ANO10: variants seen among roughly 807,000 people sequenced by gnomAD.
ANO10 encodes anoctamin 10, also known as anoctamin-10.
A neutral mutation model predicts 74.7 loss-of-function variants in ANO10; 77 were observed. The observed-to-expected ratio is 1.03, with a 90% CI of 0.86 to 1.25. ANO10 has a LOEUF of 1.25. Ranked by LOEUF, ANO10 falls within the 50% of genes most tolerant of loss-of-function variation. The probability of loss-of-function intolerance (pLI) is 0.00; values close to 1 mark genes in which losing one functional copy is unlikely to be tolerated. For missense variants in ANO10, 721 were observed against 778.1 expected (o/e 0.93, Z 0.87); for synonymous variants, 279 against 284.9 (o/e 0.98, Z 0.21).
chr3:43,678,521 T>C (rs1575590334), intron 1 of ANO10, among the ~76,000 whole-genome samples: 1 of 152,188 alleles, frequency 6.6e-6, no homozygotes, highest in Non-Finnish European at 1.5e-5. Flanking sequence ...ACCCATCCTG[T>C]CCTGTTCCAT....
chr3:43,521,190 CTGGTAAG>C (rs1261221656), intron 11 of ANO10, among the ~76,000 whole-genome samples: 1 of 152,156 alleles, frequency 6.6e-6, no homozygotes, highest in Non-Finnish European at 1.5e-5. Flanking sequence ...CTAAATAAAA[CTGGTAAG>C]TGGTAAGGGG....
intron 1 of ANO10, among the ~76,000 whole-genome samples, chr3:43,660,864 G>C (rs2083917932): frequency 1.3e-5 from 2 of 152,176 alleles, no homozygotes; most frequent in Non-Finnish European, 1.5e-5. Context: ...CAAGGCAGGA[G>C]AATCACTTGA....
At position 43,586,048 on chromosome 3, in the gene ANO10, C is replaced by A. The variant is rs562646804; in HGVS notation, c.473-5576G>T. On this transcript the variant is annotated intron_variant, in intron 4 of 12. Coordinates refer to ENST00000292246, the MANE Select transcript of ANO10 (RefSeq NM_018075.5). Reference sequence around the variant, plus strand: ...ATCAGCCCTGGGTAAACTAAGAGCACCCATGCTTCTGCAAACCTGGGCCAA... The same window carrying A: ...ATCAGCCCTGGGTAAACTAAGAGCAACCATGCTTCTGCAAACCTGGGCCAA... Among the ~76,000 whole-genome samples, 62 of 152,254 alleles carry A rather than the reference C, an allele frequency of 4.1e-4. 1 individual carries two copies. Among genetic ancestry groups the A allele is most frequent in the African/African-American group, 1.4e-3 (57 of 41,546 alleles).
intron 11 of ANO10, among the ~76,000 whole-genome samples, chr3:43,434,858 C>T (rs1317303809): frequency 6.6e-6 from 1 of 152,148 alleles, no homozygotes; most frequent in Non-Finnish European, 1.5e-5. Context: ...ATTGATTAGA[C>T]AATATTAATC....
intron 11 of ANO10, among the ~76,000 whole-genome samples, chr3:43,476,770 A>C (rs1402161805): frequency 6.6e-6 from 1 of 152,222 alleles, no homozygotes; most frequent in African/African-American, 2.4e-5. Flanking sequence ...AAATAATGAG[A>C]TAGCCTAAGA....
At position 43,438,293 on chromosome 3, in the gene ANO10, A is replaced by T. The variant is rs537647877; in HGVS notation, c.1798-5566T>A. Among the ~76,000 whole-genome samples the T allele has an allele frequency of 2.0e-5, 3 of 152,018 alleles. No individual in the cohort carries two copies. In the South Asian group the frequency reaches 6.2e-4, roughly 31 times the overall value. ...CAAAAATAAAAATAAAAAATAAAAA[A>T]CTTAGCTGGGTGTGGTGCCACATGC... On this transcript the variant is annotated intron_variant, in intron 11 of 12. Transcript: ENST00000292246.
intron 3 of ANO10, among the ~76,000 whole-genome samples, chr3:43,599,885 G>A (rs1381345097): frequency 5.3e-5 from 8 of 150,270 alleles, no homozygotes; most frequent in South Asian, 2.1e-4. Context: ...CAGCCTGGGC[G>A]ACAGAGCGAG....
chr3:43,581,582 C>A (rs2081261862), intron 4 of ANO10, among the ~76,000 whole-genome samples: 1 of 152,164 alleles, frequency 6.6e-6, no homozygotes, highest in Admixed American at 6.5e-5. Context: ...ATATTTTCCA[C>A]ATGAGTTCCT....
intron 11 of ANO10, among the ~76,000 whole-genome samples, chr3:43,438,747 T>TAA: frequency 7.0e-6 from 1 of 143,434 alleles, no homozygotes; most frequent in African/African-American, 2.6e-5. Context: ...AACTCTGTCT[T>TAA]AAAAAAAAAA....
chr3:43,549,076 T>C (rs1162006753), intron 11 of ANO10, among the ~76,000 whole-genome samples: 1 of 149,620 alleles, frequency 6.7e-6, no homozygotes, highest in African/African-American at 2.5e-5. Flanking sequence ...TAAAAATACA[T>C]ATTAAATGTA....
intron 1 of ANO10, chr3:43,637,694 A>G (rs1425041307): frequency 1.3e-5 from 2 of 152,030 alleles, no homozygotes; most frequent in African/African-American, 4.8e-5. Context: ...GAAATGAAGA[A>G]TGATGCCCAG....
chr3:43,665,264 T>C (rs2083976161), intron 1 of ANO10, among the ~76,000 whole-genome samples: 1 of 152,088 alleles, frequency 6.6e-6, no homozygotes, highest in African/African-American at 2.4e-5. Flanking sequence ...CTCAGCAAAC[T>C]ATCACAAGAT....
At chr3:43,372,728 C>G in intron 12 of ANO10, 1 of 877,520 alleles carries the variant, frequency 1.1e-6, no homozygotes, top group South Asian at 1.5e-5. Context: ...TCTATCCTAC[C>G]TGGTATGTGG....
At chr3:43,565,748 A>AG (rs985895843) in intron 7 of ANO10, 21 bp from the exon 8 acceptor site, 2 of 1,548,764 alleles carry the variant, frequency 1.3e-6, no homozygotes, top group Non-Finnish European at 1.7e-6. Context: ...AAAAAAAAAA[A>AG]AAGATAAGTG....
intron 1 of ANO10, among the ~76,000 whole-genome samples, chr3:43,613,360 T>C (rs1425978632): frequency 6.6e-6 from 1 of 151,974 alleles, no homozygotes; most frequent in Admixed American, 6.6e-5. Flanking sequence ...GACCAGGCAA[T>C]GGGGGACACA....
intron 11 of ANO10, among the ~76,000 whole-genome samples, chr3:43,460,816 A>C (rs1342778771): frequency 2.6e-5 from 4 of 152,212 alleles, no homozygotes; most frequent in Admixed American, 2.6e-4. Flanking sequence ...AGCCTCAGGG[A>C]GAACTAAGAA....
intron 11 of ANO10, among the ~76,000 whole-genome samples, chr3:43,462,016 G>A (rs1198327982): frequency 6.6e-6 from 1 of 152,186 alleles, no homozygotes; most frequent in Non-Finnish European, 1.5e-5. Context: ...AGGCTGAGGT[G>A]GACTCAGATG....
intron 1 of ANO10, among the ~76,000 whole-genome samples, chr3:43,670,500 A>C (rs1015713019): frequency 1.3e-5 from 2 of 152,150 alleles, no homozygotes; most frequent in African/African-American, 4.8e-5. Flanking sequence ...CCAAGTTTCC[A>C]ATTAGGGTGA....
chr3:43,507,257 G>C (rs2077330276), intron 11 of ANO10, among the ~76,000 whole-genome samples: 1 of 152,208 alleles, frequency 6.6e-6, no homozygotes, highest in Admixed American at 6.5e-5. Context: ...AGAGGGATGT[G>C]AGAAATTTTC....
Sources: allele counts gnomAD v4.1 joint callset (sites outside exome capture counted in the v4.1 genomes callset), GRCh38; gene constraint gnomAD v4.1.1; transcripts MANE v1.5; gene names NCBI Gene and HGNC (gene_info 2026-07-23, HGNC 2026-07-21).